Variants in SDCCAG8 observed in about 807,000 individuals in gnomAD.
SDCCAG8 encodes SHH signaling and ciliogenesis regulator SDCCAG8, also known as serologically defined colon cancer antigen 8.
In SDCCAG8, 74 loss-of-function variants were observed where a neutral mutation model predicts 101.8. The observed-to-expected ratio is 0.73, with a 90% CI of 0.60 to 0.88. SDCCAG8 has a LOEUF of 0.88. SDCCAG8 is among the 40% of genes least tolerant of loss of function. The pLI is 0.00. For missense variants in SDCCAG8, 787 were observed against 822.6 expected (o/e 0.96, Z 0.53); for synonymous variants, 281 against 292.9 (o/e 0.96, Z 0.41).
At position 243,389,965 on chromosome 1, in the gene SDCCAG8, A is replaced by C. The variant is rs554931235; in HGVS notation, c.1616+11102A>C. 1.2e-4 allele frequency among the ~76,000 whole-genome samples: 19 copies of C among 152,364 alleles called. No individual in the cohort carries two copies. The South Asian group carries it at 3.9e-3, about 32-fold the overall frequency. On this transcript the variant is annotated intron_variant, in intron 13 of 17. Transcript: ENST00000366541. ...GCACTGGGTGTTTAGCAGATTTTCT[A>C]TAAACATTGAGTAAAGTTCCCTTTG... is the stretch of plus-strand genomic sequence containing the variant.
At chr1:243,482,469 G>A (rs1030930829) in intron 16 of SDCCAG8, among the ~76,000 whole-genome samples, 5 of 152,214 alleles carry the variant, frequency 3.3e-5, no homozygotes, top group East Asian at 1.9e-4. Flanking sequence ...TTGCGTGGAA[G>A]GGGAGCCCGT....
intron 9 of SDCCAG8, chr1:243,318,395 CTATTGGG>C (rs2073451283): frequency 5.8e-6 from 1 of 173,692 alleles, no homozygotes; most frequent in Non-Finnish European, 1.1e-5. Context: ...GAAGAGATCA[CTATTGGG>C]TACTGGGCTT....
chr1:243,473,238 C>G (rs1661604867), intron 16 of SDCCAG8, among the ~76,000 whole-genome samples: 1 of 152,184 alleles, frequency 6.6e-6, no homozygotes, highest in South Asian at 2.1e-4. Context: ...TGCAATTAAA[C>G]TGCAACATAT....
chr1:243,415,033 T>C (rs114027283), intron 13 of SDCCAG8, among the ~76,000 whole-genome samples: 8 of 152,154 alleles, frequency 5.3e-5, no homozygotes, highest in Non-Finnish European at 1.2e-4. Flanking sequence ...CCTATCACAG[T>C]ACGATGGGTT....
intron 6 of SDCCAG8, chr1:243,293,470 C>A: frequency 1.6e-6 from 1 of 614,332 alleles, no homozygotes; most frequent in African/African-American, 1.8e-5. Flanking sequence ...CCTGCCAACC[C>A]CTGATGACCT....
At chr1:243,477,474 G>T (rs1417727701) in intron 16 of SDCCAG8, among the ~76,000 whole-genome samples, 1 of 152,192 alleles carries the variant, frequency 6.6e-6, no homozygotes, top group Admixed American at 6.5e-5. Flanking sequence ...GTTTCATGGT[G>T]TCAGGATCCT....
At chr1:243,469,808 A>G (rs1660849855) in intron 16 of SDCCAG8, among the ~76,000 whole-genome samples, 1 of 148,870 alleles carries the variant, frequency 6.7e-6, no homozygotes, top group Admixed American at 6.7e-5. Context: ...CTTCCTAGCT[A>G]CAGGGCTTTG....
intron 8 of SDCCAG8, among the ~76,000 whole-genome samples, chr1:243,315,988 A>G (rs1010944560): frequency 1.3e-5 from 2 of 152,238 alleles, no homozygotes; most frequent in African/African-American, 2.4e-5. Context: ...AATATTTTAT[A>G]TGGGACTTAT....
At chr1:243,476,427 C>T (rs776740134) in intron 16 of SDCCAG8, 19 of 899,702 alleles carry the variant, frequency 2.1e-5, no homozygotes, top group African/African-American at 3.6e-5. Flanking sequence ...TGCCATCACA[C>T]CTCTGTGGCT....
intron 9 of SDCCAG8, 27 bp downstream of exon 9, chr1:243,316,920 G>T: frequency 1.2e-6 from 2 of 1,608,710 alleles, no homozygotes; most frequent in Non-Finnish European, 1.7e-6. Flanking sequence ...GCAAATAAAA[G>T]TGTCTTTCTT....
Position 243,256,152 on chromosome 1 carries a change from G to C in SDCCAG8, c.-22G>C. The C allele has an allele frequency of 6.2e-7, 1 of 1,611,484 alleles. No individual in the cohort carries two copies. Among genetic ancestry groups the C allele is most frequent in the Non-Finnish European group, 8.5e-7 (1 of 1,177,488 alleles). On this transcript the variant is annotated 5_prime_UTR_variant, in exon 1 of 18. Transcript: ENST00000366541. ...TGGACATTTCCCCACGTAACTCCCA[G>C]CTCTGGGCCTAGAGTGCGTGCATGG...
intron 16 of SDCCAG8, among the ~76,000 whole-genome samples, chr1:243,443,423 A>C (rs187430455): frequency 6.6e-6 from 1 of 152,300 alleles, no homozygotes; most frequent in Admixed American, 6.5e-5. Flanking sequence ...GTCCTAGGCA[A>C]ATCACTCAAT....
intron 6 of SDCCAG8, among the ~76,000 whole-genome samples, chr1:243,295,127 C>T (rs533067086): frequency 5.3e-5 from 8 of 152,296 alleles, no homozygotes; most frequent in African/African-American, 1.7e-4. Flanking sequence ...GAATAATTTA[C>T]AGTAGCTACT....
At chr1:243,329,462 T>C (rs1010959839) in intron 9 of SDCCAG8, among the ~76,000 whole-genome samples, 1 of 152,196 alleles carries the variant, frequency 6.6e-6, no homozygotes, top group African/African-American at 2.4e-5. Context: ...TTACAGTGCT[T>C]ACTAAGGCCA....
chr1:243,292,016 A>AGCC (rs2070316706), intron 5 of SDCCAG8, among the ~76,000 whole-genome samples: 1 of 152,192 alleles, frequency 6.6e-6, no homozygotes, highest in African/African-American at 2.4e-5. Flanking sequence ...TAAAGGATAT[A>AGCC]AATGAACAGC....
chr1:243,400,921 A>G (rs1185818212), intron 13 of SDCCAG8, among the ~76,000 whole-genome samples: 1 of 152,194 alleles, frequency 6.6e-6, no homozygotes, highest in Non-Finnish European at 1.5e-5. Flanking sequence ...ATGATATGGC[A>G]ATATTCCTCC....
At chr1:243,476,950 A>G (rs955696957) in intron 16 of SDCCAG8, among the ~76,000 whole-genome samples, 1 of 152,130 alleles carries the variant, frequency 6.6e-6, no homozygotes, top group African/African-American at 2.4e-5. Context: ...ACTGTAGCAT[A>G]TAAGATAAAA....
At chr1:243,485,628 A>C (rs73120356) in intron 16 of SDCCAG8, among the ~76,000 whole-genome samples, 1 of 152,116 alleles carries the variant, frequency 6.6e-6, no homozygotes, top group African/African-American at 2.4e-5. Flanking sequence ...AATCTCAGCC[A>C]GGCGCGGTGG....
chr1:243,265,304 C>T (rs1405459571), intron 1 of SDCCAG8, among the ~76,000 whole-genome samples: 1 of 152,196 alleles, frequency 6.6e-6, no homozygotes, highest in African/African-American at 2.4e-5. Context: ...CCTGCTTTTC[C>T]TCTCTGACCC....
Sources: allele counts gnomAD v4.1 joint callset (sites outside exome capture counted in the v4.1 genomes callset), GRCh38; gene constraint gnomAD v4.1.1; transcripts MANE v1.5; gene names NCBI Gene and HGNC (gene_info 2026-07-23, HGNC 2026-07-21).